PTGR1: variants seen among roughly 807,000 people sequenced by gnomAD.
The protein encoded by PTGR1 is prostaglandin reductase 1.
A neutral mutation model predicts 37.7 loss-of-function variants in PTGR1; 23 were observed. The observed-to-expected ratio is 0.61, with a 90% CI of 0.44 to 0.86. The LOEUF is 0.86. Among genes scored for constraint, PTGR1 ranks in the 40% least tolerant of loss-of-function variants. The probability of loss-of-function intolerance (pLI) is 0.00; values close to 1 mark genes in which losing one functional copy is unlikely to be tolerated. For missense variants in PTGR1, 351 were observed against 394.3 expected (o/e 0.89, Z 0.93); for synonymous variants, 134 against 140.0 (o/e 0.96, Z 0.30).
Position 111,578,948 on chromosome 9 carries a change from AG to A in PTGR1, c.498del (p.Cys167AlafsTer7). On this transcript the variant is annotated frameshift_variant and splice_region_variant, in exon 7 of 10. Coordinates refer to ENST00000407693, the MANE Select transcript of PTGR1 (RefSeq NM_001146108.2). LOFTEE classifies it high-confidence loss of function. ...GACCCTACTGCTCCAACAACTTTGCAGCCCTAAGTAGAAAAAAAAAAAAAAA... is the reference window on the plus strand; with the variant it reads ...GACCCTACTGCTCCAACAACTTTGCACCCTAAGTAGAAAAAAAAAAAAAAA... ...SVVGQIAKLK[G>X]CKVVGAVGSD... 1 of 1,566,420 alleles carries A rather than the reference AG, an allele frequency of 6.4e-7. No homozygotes were observed. Among genetic ancestry groups the A allele is most frequent in the Non-Finnish European group, 8.6e-7 (1 of 1,165,980 alleles).
intron 6 of PTGR1, among the ~76,000 whole-genome samples, chr9:111,579,740 G>A (rs757043819): frequency 2.6e-5 from 4 of 152,244 alleles, no homozygotes; most frequent in Non-Finnish European, 4.4e-5. Context: ...TTACAGGCAT[G>A]AGCCACTGCA....
intron 9 of PTGR1, 30 bp from the exon 10 acceptor site, chr9:111,563,261 CTT>C: frequency 6.3e-7 from 1 of 1,591,318 alleles, no homozygotes; most frequent in Non-Finnish European, 8.6e-7. Flanking sequence ...AATTTTAAAA[CTT>C]AATTTAATAT....
chr9:111,567,190 G>A (rs973288655), intron 9 of PTGR1, among the ~76,000 whole-genome samples: 1 of 152,068 alleles, frequency 6.6e-6, no homozygotes, highest in African/African-American at 2.4e-5. Flanking sequence ...CACCTGGAAG[G>A]CACTTTTTGT....
chr9:111,588,111 G>C (rs1829496405), intron 4 of PTGR1, among the ~76,000 whole-genome samples: 1 of 149,938 alleles, frequency 6.7e-6, no homozygotes, highest in African/African-American at 2.5e-5. Context: ...CCTCCCCTGA[G>C]CTCAAATGAT....
chr9:111,570,844 C>T (rs760589407), intron 8 of PTGR1, among the ~76,000 whole-genome samples: 1 of 151,898 alleles, frequency 6.6e-6, no homozygotes, highest in Non-Finnish European at 1.5e-5. Context: ...AAGATGGACC[C>T]AATATAACAG....
At chr9:111,595,379 T>A (rs56912703) in intron 2 of PTGR1, among the ~76,000 whole-genome samples, 35,496 of 152,084 alleles carry the variant, frequency 0.23, 4,565 homozygotes, top group East Asian at 0.48. Context: ...AGGTTAGGCT[T>A]AGTTACTTGC....
intron 8 of PTGR1, chr9:111,574,517 T>C: frequency 3.2e-6 from 1 of 308,260 alleles, no homozygotes; most frequent in South Asian, 4.7e-5. Context: ...CCCAGCTTAT[T>C]TTTGTATTTT....
intron 7 of PTGR1, 79 bp from the exon 8 acceptor site, chr9:111,574,921 T>C: frequency 9.0e-7 from 1 of 1,107,264 alleles, no homozygotes. Flanking sequence ...ACAAGCATTA[T>C]TTTACAATAC....
chr9:111,575,468 G>C (rs1436418602), intron 7 of PTGR1: 2 of 152,148 alleles, frequency 1.3e-5, no homozygotes, highest in Non-Finnish European at 1.5e-5. Flanking sequence ...AAGGTGTATA[G>C]AGAACAAAGT....
At chr9:111,563,393 T>C in intron 9 of PTGR1, 162 bp from the exon 10 acceptor site, 1 of 633,490 alleles carries the variant, frequency 1.6e-6, no homozygotes, top group Non-Finnish European at 2.6e-6. Context: ...TGGGGCAAGA[T>C]CCACTTACAC....
rs1829714562 is a variant in PTGR1 at position 111,594,388 on chromosome 9, G to A, written c.107-121C>T. The A allele has an allele frequency of 2.1e-5, 17 of 807,236 alleles. No homozygotes were observed. The South Asian group carries it at 2.4e-4, about 12-fold the overall frequency. The allele number at this position is 807,236 out of a possible 1,614,324, so 50.0% of individuals were successfully genotyped here. On this transcript the variant is annotated intron_variant, in intron 2 of 9. Transcript: ENST00000407693. ...ACAAGGGTTGAGAAACCACCCATGA[G>A]GTACCATGCTCACTGCCTGGGTGAC... is the stretch of plus-strand genomic sequence containing the variant.
At chr9:111,594,546 A>ATCCTTTTTTTTTTTTTTTTTTTTTTT in intron 2 of PTGR1, among the ~76,000 whole-genome samples, 1 of 127,420 alleles carries the variant, frequency 7.8e-6, no homozygotes, top group Non-Finnish European at 1.7e-5. Flanking sequence ...CGTTTTTGGC[A>ATCCTTTTTTTTTTTTTTTTTTTTTTT]TTCTTTTTTT....
At chr9:111,588,447 G>A (rs957737351) in intron 4 of PTGR1, among the ~76,000 whole-genome samples, 8 of 152,104 alleles carry the variant, frequency 5.3e-5, no homozygotes, top group African/African-American at 1.9e-4. Flanking sequence ...AGCCAGGATG[G>A]TCTCCATCTC....
At chr9:111,575,626 G>A (rs1829023037) in intron 7 of PTGR1, among the ~76,000 whole-genome samples, 1 of 152,200 alleles carries the variant, frequency 6.6e-6, no homozygotes, top group Non-Finnish European at 1.5e-5. Flanking sequence ...TTCTACAGAA[G>A]TGCTAAAGCA....
intron 5 of PTGR1, among the ~76,000 whole-genome samples, chr9:111,585,073 T>C (rs1051697845): frequency 1.6e-4 from 25 of 151,940 alleles, no homozygotes; most frequent in Admixed American, 6.6e-5. Flanking sequence ...AAAAACTACA[T>C]GTTGACATTA....
At chr9:111,591,311 TAATAA>T (rs1475260729) in intron 4 of PTGR1, among the ~76,000 whole-genome samples, 7 of 149,820 alleles carry the variant, frequency 4.7e-5, no homozygotes, top group Admixed American at 4.0e-4. Context: ...AAAAAAATAA[TAATAA>T]AATAAAATGA....
chr9:111,571,595 C>T (rs113739854), intron 8 of PTGR1, among the ~76,000 whole-genome samples: 36 of 132,402 alleles, frequency 2.7e-4, no homozygotes, highest in African/African-American at 8.2e-4. Context: ...TTCCCACCTC[C>T]GCCCTGCAAG....
downstream of PTGR1, among the ~76,000 whole-genome samples, chr9:111,561,110 T>TATATATAGAGAG (rs1457364862): frequency 2.2e-3 from 42 of 19,186 alleles, 1 homozygote; most frequent in Non-Finnish European, 2.7e-3. Flanking sequence ...TATATATATA[T>TATATATAGAGAG]AGAGAGAGAG....
At chr9:111,568,468 G>A (rs997088982) in intron 9 of PTGR1, among the ~76,000 whole-genome samples, 1 of 152,258 alleles carries the variant, frequency 6.6e-6, no homozygotes, top group Non-Finnish European at 1.5e-5. Flanking sequence ...TGTTGAAGAT[G>A]TTTATCAAGA....
Sources: gnomAD v4.1 joint callset for allele counts (sites outside exome capture counted in the v4.1 genomes callset) on GRCh38, gnomAD v4.1.1 for gene constraint, MANE v1.5 for transcripts, NCBI Gene and HGNC (gene_info 2026-07-23, HGNC 2026-07-21) for gene names.